The following SH3RF2 variants were observed in gnomAD, a reference collection of about 807,000 sequenced individuals.
SH3RF2 encodes the protein E3 ubiquitin-protein ligase SH3RF2.
Under a neutral mutation model 59.0 loss-of-function variants are expected in SH3RF2, and 43 were observed. The ratio of observed to expected loss-of-function variants is 0.73; its 90% CI spans 0.57 to 0.94. SH3RF2 has a LOEUF of 0.94. Among genes scored for constraint, SH3RF2 ranks in the 40% least tolerant of loss-of-function variants. SH3RF2 has a pLI of 0.00. For missense variants in SH3RF2, 930 were observed against 940.1 expected (o/e 0.99, Z 0.14); for synonymous variants, 391 against 391.5 (o/e 1.00, Z 0.01).
At chr5:146,043,796 T>C (rs1013854141) in intron 5 of SH3RF2, 2 of 152,250 alleles carry the variant, frequency 1.3e-5, no homozygotes, top group Non-Finnish European at 2.9e-5. Context: ...CGCTGTTGCA[T>C]GTATCACTGA....
At chr5:145,963,352 C>T (rs1374739209) in intron 2 of SH3RF2, among the ~76,000 whole-genome samples, 1 of 152,040 alleles carries the variant, frequency 6.6e-6, no homozygotes, top group Non-Finnish European at 1.5e-5. Context: ...CTTGACCAGC[C>T]AGGACTCTGG....
intron 4 of SH3RF2, 120 bp downstream of exon 4, chr5:146,004,273 T>G (rs943593108): frequency 1.5e-6 from 1 of 678,214 alleles, no homozygotes; most frequent in Admixed American, 3.4e-5. Context: ...AACTAAAATC[T>G]CTAAAGAAAA....
chr5:146,033,940 G>A (rs1366605334), intron 5 of SH3RF2, among the ~76,000 whole-genome samples: 6 of 152,196 alleles, frequency 3.9e-5, no homozygotes, highest in Non-Finnish European at 8.8e-5. Flanking sequence ...GAGACAATTG[G>A]AAGGATGGTT....
chr5:146,012,896 T>C (rs1261573538), intron 4 of SH3RF2, among the ~76,000 whole-genome samples: 2 of 152,108 alleles, frequency 1.3e-5, no homozygotes, highest in Non-Finnish European at 1.5e-5. Context: ...TTTTCAGAAA[T>C]TTTCCCAGCC....
intron 2 of SH3RF2, among the ~76,000 whole-genome samples, chr5:145,973,468 A>C (rs1336170942): frequency 6.6e-6 from 1 of 152,210 alleles, no homozygotes; most frequent in African/African-American, 2.4e-5. Context: ...TCACTCTTTC[A>C]AGTTCTGAGT....
intron 4 of SH3RF2, among the ~76,000 whole-genome samples, chr5:146,007,438 G>T (rs1420164928): frequency 6.6e-6 from 1 of 152,186 alleles, no homozygotes; most frequent in African/African-American, 2.4e-5. Context: ...CATCTGCTGG[G>T]TAGGAGTGGA....
At chr5:146,001,796 A>T (rs983341496) in intron 3 of SH3RF2, among the ~76,000 whole-genome samples, 8 of 152,216 alleles carry the variant, frequency 5.3e-5, no homozygotes, top group African/African-American at 7.2e-5. Flanking sequence ...AGTGGAAGAA[A>T]CAGACATATA....
intron 2 of SH3RF2, among the ~76,000 whole-genome samples, chr5:145,964,334 T>C (rs1369834991): frequency 7.0e-6 from 1 of 141,980 alleles, no homozygotes; most frequent in Admixed American, 7.2e-5. Context: ...TTTGACAGAG[T>C]CTTGCTCTGT....
intron 2 of SH3RF2, among the ~76,000 whole-genome samples, chr5:145,987,060 G>A (rs1759734243): frequency 6.6e-6 from 1 of 152,156 alleles, no homozygotes; most frequent in Non-Finnish European, 1.5e-5. Flanking sequence ...AAGGAAAAGG[G>A]AGCCTATGAT....
rs145903362 is a variant in SH3RF2 at position 145,998,933 on chromosome 5, T to G, written c.379-1125T>G. On this transcript the variant is annotated intron_variant, in intron 2 of 9. Coordinates refer to ENST00000359120, the MANE Select transcript of SH3RF2 (RefSeq NM_152550.4). ...TCAGAAAGAAAAGAAAACAAAAAAG[T>G]TGTGTTTACACTATGCTGTAGTCTA... 1.5e-4 allele frequency among the ~76,000 whole-genome samples: 23 copies of G among 152,250 alleles called. 1 individual carries two copies. Among genetic ancestry groups the G allele is most frequent in the African/African-American group, 5.3e-4 (22 of 41,558 alleles).
chr5:146,076,491 G>A (rs752017461), intron 9 of SH3RF2, among the ~76,000 whole-genome samples: 8 of 152,182 alleles, frequency 5.3e-5, no homozygotes, highest in Non-Finnish European at 7.3e-5. Context: ...CCCCGCCCAT[G>A]TTCAGTGGTA....
intron 9 of SH3RF2, among the ~76,000 whole-genome samples, chr5:146,075,410 T>TA (rs1763321034): frequency 6.6e-6 from 1 of 151,596 alleles, no homozygotes; most frequent in Non-Finnish European, 1.5e-5. Flanking sequence ...CTAGAGAGAT[T>TA]AAAAAACGTC....
chr5:146,008,728 A>G (rs1034043635), intron 4 of SH3RF2, among the ~76,000 whole-genome samples: 2 of 152,228 alleles, frequency 1.3e-5, no homozygotes, highest in Admixed American at 1.3e-4. Context: ...CACAATCAAG[A>G]CATAGGAGAG....
chr5:145,987,822 C>T (rs948637479), intron 2 of SH3RF2, among the ~76,000 whole-genome samples: 1 of 152,190 alleles, frequency 6.6e-6, no homozygotes, highest in Admixed American at 6.5e-5. Context: ...TATTACCCCT[C>T]TCTCCTAAGC....
chr5:146,016,233 A>C (rs1174704965), intron 5 of SH3RF2, among the ~76,000 whole-genome samples: 2 of 152,218 alleles, frequency 1.3e-5, no homozygotes, highest in Non-Finnish European at 2.9e-5. Flanking sequence ...GAATGCTTGC[A>C]ATGTGCTAGT....
At chr5:145,999,693 C>G (rs1197731069) in intron 2 of SH3RF2, among the ~76,000 whole-genome samples, 2 of 151,740 alleles carry the variant, frequency 1.3e-5, no homozygotes, top group African/African-American at 4.8e-5. Context: ...AAACATTTAT[C>G]GACGAAGTTT....
intron 5 of SH3RF2, among the ~76,000 whole-genome samples, chr5:146,047,186 A>G (rs1282118068): frequency 1.1e-5 from 1 of 89,804 alleles, no homozygotes; most frequent in African/African-American, 3.7e-5. Context: ...TGTTTCTAGC[A>G]ATAGTCAATA....
At chr5:146,025,724 TTG>T (rs1761508148) in intron 5 of SH3RF2, among the ~76,000 whole-genome samples, 2 of 152,184 alleles carry the variant, frequency 1.3e-5, no homozygotes, top group Admixed American at 6.5e-5. Flanking sequence ...GTTGTTTTTA[TTG>T]TGTTTGGTTT....
rs536697597 is a variant in SH3RF2, at chr5:146,070,751, C to T, written c.*34-7709C>T. Among the ~76,000 whole-genome samples the T allele has an allele frequency of 1.4e-3, 211 of 152,208 alleles. 2 individuals are homozygous for T. Among genetic ancestry groups the T allele is most frequent in the Non-Finnish European group, 2.3e-3 (157 of 68,012 alleles). On this transcript the variant is annotated intron_variant, in intron 9 of 9. Transcript: ENST00000511217. ...CCAGTGTTCCTTGCTGGTGTTTATC[C>T]GAAGTTCAAATGCAATTTCTTTTGG...
Sources: allele counts gnomAD v4.1 joint callset (sites outside exome capture counted in the v4.1 genomes callset), GRCh38; gene constraint gnomAD v4.1.1; transcripts MANE v1.5; gene names NCBI Gene and HGNC (gene_info 2026-07-23, HGNC 2026-07-21).